HDAC5: variants seen among roughly 807,000 people sequenced by gnomAD.
HDAC5 encodes the protein histone deacetylase 5.
HDAC5 carries 25 observed loss-of-function variants against 133.3 expected under a neutral mutation model. That is an observed-to-expected ratio of 0.19 (90% CI 0.14 to 0.26). HDAC5 has a LOEUF of 0.26. Among genes scored for constraint, HDAC5 ranks in the 10% least tolerant of loss-of-function variants. The pLI, the probability that HDAC5 is intolerant of heterozygous loss-of-function variation, is 1.00. For synonymous variants in HDAC5, 589 were observed against 610.8 expected (o/e 0.96, Z 0.53); for missense variants, 1,041 against 1,460.5 (o/e 0.71, Z 4.68).
intron 16 of HDAC5, among the ~76,000 whole-genome samples, chr17:44,084,152 A>G (rs924157845): frequency 1.3e-5 from 2 of 150,908 alleles, no homozygotes; most frequent in Non-Finnish European, 2.9e-5. Context: ...CAACTGCCAC[A>G]GGGCTACAGG....
Position 44,092,810 on chromosome 17 carries a change from G to A in HDAC5, c.642-4C>T. ...CAAAGAAGCATGGTGGGCTCCCCTG[G>A]GGTGGGGGGGGGGTGGGGATGGAAG... On this transcript the variant is annotated splice_polypyrimidine_tract_variant and splice_region_variant and intron_variant, in intron 6 of 26. Transcript: ENST00000682912. 1 of 1,018,656 alleles carries A rather than the reference G, an allele frequency of 9.8e-7. No individual in the cohort carries two copies. The highest frequency in any genetic ancestry group is 1.4e-6 in the Non-Finnish European group (1 of 723,460). 63.1% of individuals were successfully genotyped at this position (1,018,656 alleles called of 1,614,324 possible).
At chr17:44,094,332 A>C (rs1488100032) in intron 3 of HDAC5, among the ~76,000 whole-genome samples, 1 of 151,220 alleles carries the variant, frequency 6.6e-6, no homozygotes, top group African/African-American at 2.4e-5. Flanking sequence ...CAGAAAAAAA[A>C]AAAACAAAAA....
At chr17:44,089,856 A>G (rs1473430429) in intron 11 of HDAC5, among the ~76,000 whole-genome samples, 2 of 145,202 alleles carry the variant, frequency 1.4e-5, no homozygotes, top group Admixed American at 1.4e-4. Flanking sequence ...GCTTGAACCC[A>G]GGAGGTGGAG....
rs2050582934 is a variant in HDAC5, at chr17:44,085,011, G to A, written c.2184+11C>T. On this transcript the variant is annotated intron_variant, in intron 15 of 26. Coordinates refer to ENST00000682912, the MANE Select transcript of HDAC5 (RefSeq NM_005474.5). ...TAAGTTGAGAGCCAGAAGAAGGAGG[G>A]GCTCCCTTACCTCGCACTTGCTAAG... is the stretch of plus-strand genomic sequence containing the variant. 2 of 1,574,654 alleles carry A rather than the reference G, an allele frequency of 1.3e-6. No individual in the cohort carries two copies. The highest frequency in any genetic ancestry group is 3.5e-4 in the Middle Eastern group (2 of 5,664).
chr17:44,121,450 C>A (rs2052998335), intron 1 of HDAC5, among the ~76,000 whole-genome samples: 1 of 138,468 alleles, frequency 7.2e-6, no homozygotes, highest in African/African-American at 2.6e-5. Flanking sequence ...CCCCTACTGC[C>A]ACCAACAGGA....
At chr17:44,115,786 C>T (rs2052609938) in intron 2 of HDAC5, 1 of 152,382 alleles carries the variant, frequency 6.6e-6, no homozygotes, top group South Asian at 2.1e-4. Context: ...AAGACAGCAT[C>T]TCCCCCTGCT....
At chr17:44,105,313 C>T (rs1329525271) in intron 3 of HDAC5, among the ~76,000 whole-genome samples, 2 of 152,184 alleles carry the variant, frequency 1.3e-5, no homozygotes, top group South Asian at 2.1e-4. Flanking sequence ...ACCTTAAGCT[C>T]GGGATGCAGA....
intron 2 of HDAC5, chr17:44,111,539 G>T: frequency 2.0e-6 from 1 of 499,158 alleles, no homozygotes; most frequent in Non-Finnish European, 4.0e-6. Flanking sequence ...AGGGGATGGA[G>T]ACCAAGAAGC....
rs1057483694 is a variant in HDAC5 at position 44,117,999 on chromosome 17, G to C, written c.-189-295C>G. ...GGAGACCCTATAGACTCCCAACAGT[G>C]CCTGCCATGGGACTAGGTGTGCACC... On this transcript the variant is annotated intron_variant, in intron 1 of 26. Transcript: ENST00000682912. This position sits in a 1 kb window ranked among gnomAD's most constrained non-coding sequence, Gnocchi z 4.2. Among the ~76,000 whole-genome samples the C allele has an allele frequency of 6.6e-6, 1 of 152,188 alleles. No individual in the cohort carries two copies. Among genetic ancestry groups the C allele is most frequent in the African/African-American group, 2.4e-5 (1 of 41,448 alleles).
chr17:44,078,896 G>A lies in HDAC5; in HGVS notation c.3079-17C>T, dbSNP rs767002578. 1.2e-6 allele frequency: 2 copies of A among 1,613,710 alleles called. No individual in the cohort carries two copies. Among genetic ancestry groups the A allele is most frequent in the African/African-American group, 2.7e-5 (2 of 74,926 alleles). On this transcript the variant is annotated splice_polypyrimidine_tract_variant and intron_variant, in intron 24 of 26. Coordinates refer to ENST00000682912, the MANE Select transcript of HDAC5 (RefSeq NM_005474.5). ...GGGCTGCAGCTGGCAGGGGAAAGAA[G>A]AGAAGGCTTAGGGTGGGGAGTAGGG...
In HDAC5 at chr17:44,092,395, C is replaced by A; in HGVS notation, c.905G>T (p.Gly302Val). The A allele has an allele frequency of 6.2e-7, 1 of 1,612,962 alleles. No individual in the cohort carries two copies. Among genetic ancestry groups the A allele is most frequent in the Non-Finnish European group, 8.5e-7 (1 of 1,179,084 alleles). The change falls in exon 8 of 27, where the codon GGT (glycine) becomes GTT (valine). Residue 302 changes from glycine (G) to valine (V), a missense_variant. Physicochemically the swap from Gly to Val is moderately radical, Grantham distance 109 (BLOSUM62 -3). Coordinates refer to ENST00000682912, the MANE Select transcript of HDAC5 (RefSeq NM_005474.5). ...GCAGCCCTTACCCCCAGGCCCGGCACCTGTGATCTCAACAGCTCTCTTCTT... is the reference window on the plus strand; with the variant it reads ...GCAGCCCTTACCCCCAGGCCCGGCAACTGTGATCTCAACAGCTCTCTTCTT... ...TFKKRAVEITGAGPGASSVCN... is the reference protein window; with the variant it reads ...TFKKRAVEITVAGPGASSVCN...
chr17:44,096,990 G>A (rs1456090307), intron 3 of HDAC5, among the ~76,000 whole-genome samples: 2 of 152,256 alleles, frequency 1.3e-5, no homozygotes, highest in Non-Finnish European at 2.9e-5. Flanking sequence ...CCAAAGTGCT[G>A]GGATTACAGG....
At chr17:44,099,286 C>T (rs949110076) in intron 3 of HDAC5, among the ~76,000 whole-genome samples, 1 of 151,944 alleles carries the variant, frequency 6.6e-6, no homozygotes, top group Admixed American at 6.6e-5. Context: ...AAGCCTTGGG[C>T]CCCCCGCACC....
At chr17:44,078,911 G>A (rs778955852) in intron 24 of HDAC5, 32 bp from the exon 25 acceptor site, 2 of 1,609,312 alleles carry the variant, frequency 1.2e-6, no homozygotes, top group South Asian at 2.2e-5. Flanking sequence ...GGCTTAGGGT[G>A]GGGAGTAGGG....
chr17:44,081,410 C>T (rs1289914808), intron 20 of HDAC5, among the ~76,000 whole-genome samples: 3 of 151,186 alleles, frequency 2.0e-5, no homozygotes, highest in South Asian at 2.1e-4. Context: ...CCACTATGCC[C>T]GGCCAATTTT....
intron 3 of HDAC5, 98 bp from the exon 4 acceptor site, chr17:44,093,932 CAA>C: frequency 7.2e-7 from 1 of 1,384,618 alleles, no homozygotes; most frequent in Non-Finnish European, 9.4e-7. Context: ...CTAGGAGACC[CAA>C]AGAGAACAGA....
chr17:44,122,378 G>T (rs942180746), intron 1 of HDAC5, among the ~76,000 whole-genome samples: 1 of 151,732 alleles, frequency 6.6e-6, no homozygotes, highest in Admixed American at 6.6e-5. Context: ...ACCTCCTTTT[G>T]TTCCCATAAT....
chr17:44,094,099 G>A (rs2051109696), intron 3 of HDAC5, among the ~76,000 whole-genome samples: 1 of 152,086 alleles, frequency 6.6e-6, no homozygotes, highest in East Asian at 1.9e-4. Flanking sequence ...GAGGCAGGCA[G>A]ATCACCTGAG....
rs61649902 is a variant in HDAC5 at position 44,079,368 on chromosome 17, G to A, written c.2945-91C>T. On this transcript the variant is annotated intron_variant, in intron 23 of 26. Coordinates refer to ENST00000682912, the MANE Select transcript of HDAC5 (RefSeq NM_005474.5). The stretch of plus-strand genomic sequence containing the variant: ...TAAGAGGAGAGAAAAAAGGCCAGGC[G>A]CGGTGGCTCACGCCTGTAATCCCAG... 1.1e-3 allele frequency: 1,496 copies of A among 1,362,008 alleles called. 13 individuals carry two copies. In the African/African-American group the frequency reaches 0.016, roughly 15 times the overall value. The allele number at this position is 1,362,008 out of a possible 1,614,324, so 84.4% of individuals were successfully genotyped here.
Sources: allele counts gnomAD v4.1 joint callset (sites outside exome capture counted in the v4.1 genomes callset), GRCh38; gene constraint gnomAD v4.1.1; non-coding constraint Gnocchi (gnomAD v3.1); transcripts MANE v1.5; gene names NCBI Gene and HGNC (gene_info 2026-07-23, HGNC 2026-07-21).